Variants in GOLGA6L2 observed in about 807,000 individuals in gnomAD.
The protein encoded by GOLGA6L2 is golgin A6 family like 2, also known as golgin subfamily A member 6-like protein 2.
Under a neutral mutation model 35.9 loss-of-function variants are expected in GOLGA6L2, and 30 were observed. The observed-to-expected ratio is 0.83, with a 90% CI of 0.62 to 1.13. The LOEUF is 1.13. Ranked by LOEUF, GOLGA6L2 falls within the 50% of genes most tolerant of loss-of-function variation. GOLGA6L2 has a pLI of 0.00. For missense variants in GOLGA6L2, 821 were observed against 973.4 expected (o/e 0.84, Z 2.08); for synonymous variants, 297 against 344.0 (o/e 0.86, Z 1.51).
intron 5 of GOLGA6L2, 60 bp from the exon 6 acceptor site, chr15:23,442,568 G>C: frequency 6.7e-7 from 1 of 1,492,410 alleles, no homozygotes; most frequent in South Asian, 1.2e-5. Flanking sequence ...TGGCCGACCA[G>C]GAACAACAGC....
At position 23,439,411 on chromosome 15, in the gene GOLGA6L2, T is replaced by C; in HGVS notation, c.*334A>G. The C allele has an allele frequency of 4.3e-6, 2 of 469,496 alleles. No homozygotes were observed. The highest frequency in any genetic ancestry group is 7.1e-6 in the Non-Finnish European group (2 of 283,076). 29.1% of individuals were successfully genotyped at this position (469,496 alleles called of 1,614,324 possible). On this transcript the variant is annotated 3_prime_UTR_variant, in exon 8 of 8. Transcript: ENST00000567107. The stretch of plus-strand genomic sequence containing the variant: ...GTAGGTTTCGGCCACAAGGCCTGGC[T>C]AGTATTTTACCACAATTTAAAGTAA...
chr15:23,442,945 G>A (rs2070713548), intron 5 of GOLGA6L2, among the ~76,000 whole-genome samples: 1 of 152,108 alleles, frequency 6.6e-6, no homozygotes, highest in African/African-American at 2.4e-5. Flanking sequence ...AGATAATATT[G>A]CTATTGCTAT....
chr15:23,447,211 A>G lies in GOLGA6L2; in HGVS notation c.-30T>C. ...GTGATTCAGACGAGGACAAGGATAC[A>G]CCTCCAGTCACGTACCACGCAGCTA... is the stretch of plus-strand genomic sequence containing the variant. On this transcript the variant is annotated 5_prime_UTR_variant, in exon 1 of 8. Transcript: ENST00000567107. 8.0e-7 allele frequency: 1 copy of G among 1,246,568 alleles called. No homozygotes were observed. The highest frequency in any genetic ancestry group is 1.2e-5 in the South Asian group (1 of 83,138). 77.2% of individuals were successfully genotyped at this position (1,246,568 alleles called of 1,614,324 possible).
At chr15:23,446,097 A>T (rs1242691041) in intron 1 of GOLGA6L2, among the ~76,000 whole-genome samples, 1 of 152,206 alleles carries the variant, frequency 6.6e-6, no homozygotes, top group Non-Finnish European at 1.5e-5. Flanking sequence ...CCCAAGATCT[A>T]TTCCACAGAA....
intron 1 of GOLGA6L2, among the ~76,000 whole-genome samples, 195 bp downstream of exon 1, chr15:23,446,903 C>T (rs1886799032): frequency 6.6e-6 from 1 of 151,874 alleles, no homozygotes; most frequent in African/African-American, 2.4e-5. Flanking sequence ...CCTGGGGTCA[C>T]TGGCAAGGGC....
chr15:23,444,096 G>A (rs768941256), intron 4 of GOLGA6L2, 23 bp from the exon 5 acceptor site: 41 of 1,582,404 alleles, frequency 2.6e-5, no homozygotes, highest in Non-Finnish European at 3.4e-5. Context: ...AGACAAGCAA[G>A]TGCTGAAAGA....
In GOLGA6L2 at chr15:23,446,981, G is replaced by T. The variant is rs550710410; in HGVS notation, c.84+117C>A. 31 of 582,300 alleles carry T rather than the reference G, an allele frequency of 5.3e-5. No individual in the cohort carries two copies. In the East Asian group the frequency reaches 8.8e-4, roughly 17 times the overall value. 36.1% of individuals were successfully genotyped at this position (582,300 alleles called of 1,614,324 possible). On this transcript the variant is annotated intron_variant, in intron 1 of 7. Transcript: ENST00000567107. Reference sequence around the variant, plus strand: ...TTGATTGGGGGAGCCCAGCGGCACTGGGGGGGACCCAGCCCAGTGTGCCTC... The same window carrying T: ...TTGATTGGGGGAGCCCAGCGGCACTTGGGGGGACCCAGCCCAGTGTGCCTC...
rs1405840941 is a variant in GOLGA6L2 at position 23,439,820 on chromosome 15, TTC to T, written c.2653_2654del (p.Glu885ArgfsTer27). 6.5e-7 allele frequency: 1 copy of T among 1,531,192 alleles called. No homozygotes were observed. Among genetic ancestry groups the T allele is most frequent in the African/African-American group, 1.4e-5 (1 of 71,338 alleles). The allele number at this position is 1,531,192 out of a possible 1,614,324, so 94.9% of individuals were successfully genotyped here. ...GTGCTCTGGCAGCCTCTCCTGCATC[TTC>T]TCTTTCTGATCTCGTATCCTCTCCT... ...EGGEDTRSEREDAGEAARARG... is the reference protein window; with the variant it reads ...EGGEDTRSERXDAGEAARARG... On this transcript the variant is annotated frameshift_variant, in exon 8 of 8. Transcript: ENST00000567107. LOFTEE classifies it low-confidence loss of function (END_TRUNC).
At chr15:23,447,064 T>A in intron 1 of GOLGA6L2, 34 bp downstream of exon 1, 2 of 913,466 alleles carry the variant, frequency 2.2e-6, no homozygotes, top group South Asian at 1.4e-5. Context: ...GGGGCTGGGT[T>A]GGGGTTGGGG....
At chr15:23,443,576 G>A (rs551448769) in intron 5 of GOLGA6L2, among the ~76,000 whole-genome samples, 7 of 152,240 alleles carry the variant, frequency 4.6e-5, no homozygotes, top group Admixed American at 1.3e-4. Flanking sequence ...TCCAGTGCTC[G>A]CTCCCCACAG....
Position 23,441,508 on chromosome 15 carries a change from G to A in GOLGA6L2, c.967C>T (p.Leu323=). 1 of 1,395,960 alleles carries A rather than the reference G, an allele frequency of 7.2e-7. No individual in the cohort carries two copies. Among genetic ancestry groups the A allele is most frequent in the African/African-American group, 1.5e-5 (1 of 67,786 alleles). 86.5% of individuals were successfully genotyped at this position (1,395,960 alleles called of 1,614,324 possible). ...CGCAGCTCCTTCTCCTGCTCTCGCA[G>A]CCTCTTCTCCTGTCTCCGCATCTTC... ...EEKMRRQEKR[L]REQEKELREQ... is the part of the protein sequence containing the mutation. Residue 323 remains leucine (L), a synonymous_variant, in exon 8 of 8, where the codon CTG becomes TTG. Transcript: ENST00000567107.
chr15:23,444,976 A>G (rs935776741), intron 2 of GOLGA6L2, among the ~76,000 whole-genome samples: 3 of 141,476 alleles, frequency 2.1e-5, no homozygotes, highest in Non-Finnish European at 4.6e-5. Context: ...CTCTAACTCT[A>G]CCTCCTCAGG....
At position 23,439,632 on chromosome 15, in the gene GOLGA6L2, C is replaced by CT; in HGVS notation, c.*112_*113insA. 6.5e-7 allele frequency: 1 copy of CT among 1,536,302 alleles called. No individual in the cohort carries two copies. Among genetic ancestry groups the CT allele is most frequent in the South Asian group, 1.2e-5 (1 of 84,022 alleles). On this transcript the variant is annotated 3_prime_UTR_variant, in exon 8 of 8. Coordinates refer to ENST00000567107, the MANE Select transcript of GOLGA6L2 (RefSeq NM_001304388.2). Reference sequence around the variant, plus strand: ...CTGCCTAATCCTGGGCACTGCTGGGCGTTCTTCATCCCACAAAACAGCTGC... The same window carrying CT: ...CTGCCTAATCCTGGGCACTGCTGGGCTGTTCTTCATCCCACAAAACAGCTGC...
Position 23,447,012 on chromosome 15 carries a change from T to G in GOLGA6L2, c.84+86A>C, listed in dbSNP as rs1365599256. 6.2e-5 allele frequency: 39 copies of G among 633,264 alleles called. 1 individual carries two copies. In the South Asian group the frequency reaches 6.6e-4, roughly 11 times the overall value. The allele number at this position is 633,264 out of a possible 1,614,324, so 39.2% of individuals were successfully genotyped here. A position where few individuals can be genotyped will look rare whatever the true frequency, so the allele number is the denominator to read the frequency against. ...GACCCAGCCCAGTGTGCCTCTGGAA[T>G]GGCATGGACTCTGGCAGATGTTCTG... On this transcript the variant is annotated intron_variant, in intron 1 of 7. Coordinates refer to ENST00000567107, the MANE Select transcript of GOLGA6L2 (RefSeq NM_001304388.2).
rs201221324 is a variant in GOLGA6L2, at chr15:23,441,409, TCTC to T, written c.1063_1065del (p.Glu355del). On this transcript the variant is annotated inframe_deletion, in exon 8 of 8. Transcript: ENST00000567107. ...ATCTTCTCCTCCTGCTCCCACATCT[TCTC>T]CTCCTGCTCCTGCATCTGCTCCTCC... 34 of 1,532,952 alleles carry T rather than the reference TCTC, an allele frequency of 2.2e-5. No homozygotes were observed. The South Asian group carries it at 3.0e-4, about 14-fold the overall frequency. 95.0% of individuals were successfully genotyped at this position (1,532,952 alleles called of 1,614,324 possible).
chr15:23,441,446 C>T lies in GOLGA6L2; in HGVS notation c.1029G>A (p.Leu343=). 1 of 1,405,766 alleles carries T rather than the reference C, an allele frequency of 7.1e-7. No individual in the cohort carries two copies. Among genetic ancestry groups the T allele is most frequent in the East Asian group, 2.9e-5 (1 of 34,184 alleles). 87.1% of individuals were successfully genotyped at this position (1,405,766 alleles called of 1,614,324 possible). Residue 343 remains leucine (L), a synonymous_variant, in exon 8 of 8, where the codon CTG becomes CTA. Transcript: ENST00000567107. ...CCTGCATCTGCTCCTCCTGCTCCCG[C>T]AGCTTCTTCTGCTCCCGCAGCTCCT... is the stretch of plus-strand genomic sequence containing the variant. The part of the protein sequence containing the change: ...QEKELREQKK[L]REQEEQMQEQ...
rs1322035031 is a variant in GOLGA6L2 at position 23,441,033 on chromosome 15, C to T, written c.1442G>A (p.Trp481Ter). The T allele has an allele frequency of 2.0e-6, 3 of 1,531,370 alleles. No homozygotes were observed. The highest frequency in any genetic ancestry group is 1.8e-6 in the Non-Finnish European group (2 of 1,140,722). The allele number at this position is 1,531,370 out of a possible 1,614,324, so 94.9% of individuals were successfully genotyped here. Residue 481 changes from tryptophan to a stop codon, truncating the protein, a stop_gained, in exon 8 of 8, where the codon TGG becomes TAG. Transcript: ENST00000567107. LOFTEE classifies it low-confidence loss of function (END_TRUNC). ...EKMQKQEENM[W>*]EQEEKEWQQQ... is the part of the protein sequence containing the mutation. ...CTGCCACTCCTTCTCTTCCTGCTCCCACATATTCTCCTCCTGCTTCTGCAT... is the reference window on the plus strand; with the variant it reads ...CTGCCACTCCTTCTCTTCCTGCTCCTACATATTCTCCTCCTGCTTCTGCAT...
Position 23,441,405 on chromosome 15 carries a change from ATCT to A in GOLGA6L2, c.1067_1069del (p.Lys356del), listed in dbSNP as rs1162161215. ...CCGCATCTTCTCCTCCTGCTCCCAC[ATCT>A]TCTCCTCCTGCTCCTGCATCTGCTC... On this transcript the variant is annotated inframe_deletion, in exon 8 of 8. Transcript: ENST00000567107. 1.6e-5 allele frequency: 24 copies of A among 1,532,710 alleles called. No individual in the cohort carries two copies. Among genetic ancestry groups the A allele is most frequent in the Non-Finnish European group, 2.1e-5 (24 of 1,140,800 alleles). The allele number at this position is 1,532,710 out of a possible 1,614,324, so 94.9% of individuals were successfully genotyped here.
At position 23,443,846 on chromosome 15, in the gene GOLGA6L2, G is replaced by C; in HGVS notation, c.522C>G (p.Ser174=). ...SKDLAGRLHH[S]WHFAGELQRA... ...GCTGTAACTCTCCTGCAAAGTGCCA[G>C]GAATGATGCAAGCGGCCGGCGAGAT... The change falls in exon 5 of 8, where the codon TCC becomes TCG. Residue 174 remains serine (S), a synonymous_variant. Coordinates refer to ENST00000567107, the MANE Select transcript of GOLGA6L2 (RefSeq NM_001304388.2). The C allele has an allele frequency of 6.5e-7, 1 of 1,540,842 alleles. No homozygotes were observed. The highest frequency in any genetic ancestry group is 8.7e-7 in the Non-Finnish European group (1 of 1,149,606).
Sources: gnomAD v4.1 joint callset for allele counts (sites outside exome capture counted in the v4.1 genomes callset) on GRCh38, gnomAD v4.1.1 for gene constraint, MANE v1.5 for transcripts, NCBI Gene and HGNC (gene_info 2026-07-23, HGNC 2026-07-21) for gene names.